The following ZNF653 variants were observed in gnomAD, a reference collection of about 807,000 sequenced individuals.
ZNF653 encodes 67 kDa zinc finger protein.
In ZNF653, 37 loss-of-function variants were observed where a neutral mutation model predicts 59.9. The ratio of observed to expected loss-of-function variants is 0.62; its 90% CI spans 0.48 to 0.81. The LOEUF is 0.81. Ranked by LOEUF, ZNF653 falls within the 40% of genes least tolerant of loss-of-function variation. The pLI is 0.00. For synonymous variants in ZNF653, 435 were observed against 371.8 expected (o/e 1.17, Z -1.96); for missense variants, 808 against 881.1 (o/e 0.92, Z 1.05).
In ZNF653 at chr19:11,501,841, C is replaced by T. The variant is rs566281285; in HGVS notation, c.300-3502G>A. On this transcript the variant is annotated intron_variant, in intron 1 of 8. Transcript: ENST00000293771. The stretch of plus-strand genomic sequence containing the variant: ...ATAGAGCCTCGCTCTGTTGCCCAGG[C>T]TGGAGTGCGGTGGCACGATCTTGGC... 2.6e-5 allele frequency among the ~76,000 whole-genome samples: 4 copies of T among 152,294 alleles called. No homozygotes were observed. In the South Asian group the frequency reaches 8.3e-4, roughly 32 times the overall value.
rs147319296 is a variant in ZNF653, at chr19:11,497,501, C to T, written c.343+795G>A. ...TGGGGAGAATAAGGGATTCCCATCC[C>T]GGAGGGCTGCCAGGCAGGAGGAAGG... On this transcript the variant is annotated intron_variant, in intron 2 of 8. Coordinates refer to ENST00000293771, the MANE Select transcript of ZNF653 (RefSeq NM_138783.4). Among the ~76,000 whole-genome samples, 3 of 152,274 alleles carry T rather than the reference C, an allele frequency of 2.0e-5. No individual in the cohort carries two copies. In the East Asian group the frequency reaches 5.8e-4, roughly 29 times the overall value.
chr19:11,491,317 T>G (rs971945843), intron 3 of ZNF653, among the ~76,000 whole-genome samples: 7 of 152,126 alleles, frequency 4.6e-5, no homozygotes, highest in Non-Finnish European at 1.0e-4. Context: ...GTCTCCACTT[T>G]TCTCCCCACC....
In ZNF653 at chr19:11,498,276, C is replaced by T. The variant is rs775302646; in HGVS notation, c.343+20G>A. ...CGCTCCCAACTCTCCCCACCTCCCC[C>T]AGGCTGAGCCTCCACTTACTTTTCT... On this transcript the variant is annotated intron_variant, in intron 2 of 8. Transcript: ENST00000293771. The T allele has an allele frequency of 6.2e-7, 1 of 1,613,956 alleles. No individual in the cohort carries two copies.
At position 11,485,679 on chromosome 19, in the gene ZNF653, C is replaced by T. The variant is rs1187479562; in HGVS notation, c.1547G>A (p.Arg516Gln). 22 of 1,613,874 alleles carry T rather than the reference C, an allele frequency of 1.4e-5. No individual in the cohort carries two copies. Among genetic ancestry groups the T allele is most frequent in the Non-Finnish European group, 1.1e-5 (13 of 1,179,936 alleles). Residue 516 changes from arginine (R) to glutamine (Q), a missense_variant, in exon 7 of 9, where the codon CGG becomes CAG. Coordinates refer to ENST00000293771, the MANE Select transcript of ZNF653 (RefSeq NM_138783.4). Reference sequence around the variant, plus strand: ...ACCTGAATGGATGATCATGTGCCGCCGCAGGTGGTTGGATAAATAGAACTT... The same window carrying T: ...ACCTGAATGGATGATCATGTGCCGCTGCAGGTGGTTGGATAAATAGAACTT... ...GKKFYLSNHL[R>Q]RHMIIHSGVR... is the part of the protein sequence containing the mutation.
chr19:11,492,573 G>A (rs914800519), intron 3 of ZNF653, among the ~76,000 whole-genome samples: 6 of 151,286 alleles, frequency 4.0e-5, no homozygotes, highest in Non-Finnish European at 7.4e-5. Flanking sequence ...TCTCTAAGCC[G>A]TGGCCTCAAG....
chr19:11,488,684 G>A (rs1359578146), intron 3 of ZNF653, among the ~76,000 whole-genome samples: 4 of 150,944 alleles, frequency 2.6e-5, no homozygotes, highest in South Asian at 4.2e-4. Flanking sequence ...TGCAAGCTCC[G>A]CTTCCCAGGT....
chr19:11,484,283 T>C (rs1324585167), intron 7 of ZNF653, 142 bp from the exon 8 acceptor site: 1 of 681,416 alleles, frequency 1.5e-6, no homozygotes, highest in East Asian at 2.7e-5. Flanking sequence ...AAACCCTACG[T>C]CCTTCCCGTG....
At chr19:11,504,527 T>C (rs892043185) in intron 1 of ZNF653, 16 of 985,448 alleles carry the variant, frequency 1.6e-5, no homozygotes, top group African/African-American at 1.0e-4. Context: ...GCATTTCCAG[T>C]CCTGCTCTTG....
chr19:11,498,260 C>T (rs200331419), intron 2 of ZNF653, 36 bp downstream of exon 2: 808 of 1,613,630 alleles, frequency 5.0e-4, no homozygotes, highest in Middle Eastern at 2.5e-3. Context: ...CCGCTCCCAA[C>T]TCTCCCCACC....
At chr19:11,494,715 A>G (rs1971566840) in intron 3 of ZNF653, among the ~76,000 whole-genome samples, 2 of 152,146 alleles carry the variant, frequency 1.3e-5, no homozygotes, top group African/African-American at 4.8e-5. Flanking sequence ...ACATAAATAA[A>G]TAATAAAAAG....
chr19:11,486,849 C>G lies in ZNF653; in HGVS notation c.1375G>C (p.Asp459His), dbSNP rs762708579. The change falls in exon 6 of 9, where the codon GAT (aspartate) becomes CAT (histidine). Residue 459 changes from aspartate to histidine, a missense_variant. Asp to His is a moderately conservative substitution (Grantham distance 81). Coordinates refer to ENST00000293771, the MANE Select transcript of ZNF653 (RefSeq NM_138783.4). ...RRRSKRSRVMDADGLLEMFHC... is the reference protein window; with the variant it reads ...RRRSKRSRVMHADGLLEMFHC... ...AACATCTCGAGCAGGCCGTCAGCAT[C>G]CATCACCCGCGACCGCTTGCTCCGC... 3.7e-6 allele frequency: 6 copies of G among 1,611,740 alleles called. No individual in the cohort carries two copies. The South Asian group carries it at 5.5e-5, about 15-fold the overall frequency.
chr19:11,498,935 T>G (rs1375590716), intron 1 of ZNF653, among the ~76,000 whole-genome samples: 3 of 145,514 alleles, frequency 2.1e-5, no homozygotes, highest in East Asian at 2.1e-4. Flanking sequence ...ATGTTGGCCA[T>G]CCTGGTCTCA....
intron 1 of ZNF653, among the ~76,000 whole-genome samples, chr19:11,501,468 TA>T (rs113750173): frequency 0.2 from 29,687 of 151,750 alleles, 5,489 homozygotes; most frequent in African/African-American, 0.48. Flanking sequence ...TGTGAGCCAC[TA>T]GCACCCAGCC....
chr19:11,484,372 C>T (rs1449664740), intron 7 of ZNF653, among the ~76,000 whole-genome samples: 3 of 152,002 alleles, frequency 2.0e-5, no homozygotes, highest in East Asian at 3.9e-4. Context: ...CACTACCAAG[C>T]CAACATGGGT....
chr19:11,484,185 G>A (rs763151776), intron 7 of ZNF653, 44 bp from the exon 8 acceptor site: 7 of 1,447,112 alleles, frequency 4.8e-6, no homozygotes, highest in Middle Eastern at 3.5e-4. Context: ...GGGCTATGGG[G>A]TGTCTCTGAT....
At position 11,495,193 on chromosome 19, in the gene ZNF653, C is replaced by A. The variant is rs565291419; in HGVS notation, c.559+757G>T. On this transcript the variant is annotated intron_variant, in intron 3 of 8. Coordinates refer to ENST00000293771, the MANE Select transcript of ZNF653 (RefSeq NM_138783.4). This position sits in a 1 kb window ranked among gnomAD's most constrained non-coding sequence, Gnocchi z 4.9. ...CTCCTTCTCCAGCCATTGCCGAACC[C>A]CTGAGGCTGCCGGCAGCCCCCTCAC... 6.6e-6 allele frequency among the ~76,000 whole-genome samples: 1 copy of A among 152,178 alleles called. No homozygotes were observed. Among genetic ancestry groups the A allele is most frequent in the South Asian group, 2.1e-4 (1 of 4,824 alleles).
At chr19:11,494,743 T>C (rs985261881) in intron 3 of ZNF653, among the ~76,000 whole-genome samples, 1 of 152,138 alleles carries the variant, frequency 6.6e-6, no homozygotes, top group South Asian at 2.1e-4. Context: ...GGGGCGTAAG[T>C]AAGCTGCTCT....
chr19:11,489,442 GC>G (rs919136107), intron 3 of ZNF653, among the ~76,000 whole-genome samples: 1 of 152,124 alleles, frequency 6.6e-6, no homozygotes, highest in Non-Finnish European at 1.5e-5. Context: ...CAGGTGATCT[GC>G]CCGCCCGGGC....
chr19:11,489,518 A>T (rs1343808328), intron 3 of ZNF653, among the ~76,000 whole-genome samples: 1 of 151,916 alleles, frequency 6.6e-6, no homozygotes, highest in African/African-American at 2.4e-5. Flanking sequence ...CCAAGTAGAG[A>T]TCAGGTCTTG....
Sources: allele counts gnomAD v4.1 joint callset (sites outside exome capture counted in the v4.1 genomes callset), GRCh38; gene constraint gnomAD v4.1.1; non-coding constraint Gnocchi (gnomAD v3.1); transcripts MANE v1.5; gene names NCBI Gene and HGNC (gene_info 2026-07-23, HGNC 2026-07-21).